Variants in UNC13C observed in about 807,000 individuals in gnomAD.
UNC13C encodes protein unc-13 homolog C.
In UNC13C, 174 loss-of-function variants were observed where a neutral mutation model predicts 245.4. That is an observed-to-expected ratio of 0.71 (90% confidence interval 0.63 to 0.80). UNC13C has a LOEUF of 0.80. Ranked by LOEUF, UNC13C falls within the 30% of genes least tolerant of loss-of-function variation. The pLI is 0.00. For synonymous variants in UNC13C, 992 were observed against 895.1 expected, an observed-to-expected ratio of 1.11 and a Z score of -1.93; for missense variants, 2,829 against 2,602.9, an observed-to-expected ratio of 1.09 and a Z score of -1.89.
chr15:54,039,591 TC>T, intron 2 of UNC13C, among the ~76,000 whole-genome samples: 1 of 152,118 alleles, frequency 6.6e-6, no homozygotes, highest in Non-Finnish European at 1.5e-5. Flanking sequence ...GTTCTTGGAC[TC>T]TTTTTTTTCC....
At chr15:53,967,037 A>G in the UNC13C span, among the ~76,000 whole-genome samples, 3 of 151,966 alleles carry the variant, frequency 2.0e-5, no homozygotes, top group African/African-American at 2.4e-5. Context: ...TCTATTTCTA[A>G]TTCTTTCCTG....
the UNC13C span, among the ~76,000 whole-genome samples, chr15:53,875,858 C>T: frequency 2.6e-5 from 4 of 152,182 alleles, no homozygotes; most frequent in Non-Finnish European, 4.4e-5. Flanking sequence ...ACAGTGCTGA[C>T]ACATGGCAGA....
At chr15:54,294,109 C>T in intron 11 of UNC13C, 45 bp downstream of exon 11, 1 of 1,441,582 alleles carries the variant, frequency 6.9e-7, no homozygotes, top group East Asian at 2.6e-5. Flanking sequence ...AAATAAAACC[C>T]CTGAATACCT....
At chr15:54,445,783 G>T (rs1349511714) in intron 19 of UNC13C, among the ~76,000 whole-genome samples, 1 of 152,166 alleles carries the variant, frequency 6.6e-6, no homozygotes, top group African/African-American at 2.4e-5. Flanking sequence ...CTATGCAGAA[G>T]CTCTTTAGTT....
intron 18 of UNC13C, among the ~76,000 whole-genome samples, chr15:54,408,886 C>A (rs2040361966): frequency 1.3e-5 from 2 of 152,142 alleles, no homozygotes; most frequent in African/African-American, 2.4e-5. Flanking sequence ...CTATTCATGT[C>A]AATTGAAAGA....
At chr15:54,183,903 G>C (rs921171308) in intron 4 of UNC13C, among the ~76,000 whole-genome samples, 1 of 151,864 alleles carries the variant, frequency 6.6e-6, no homozygotes, top group Non-Finnish European at 1.5e-5. Flanking sequence ...CAAAAGACCA[G>C]ACACATTAGC....
intron 4 of UNC13C, among the ~76,000 whole-genome samples, chr15:54,172,937 T>C (rs1345787438): frequency 6.6e-6 from 1 of 151,198 alleles, no homozygotes; most frequent in African/African-American, 2.4e-5. Context: ...AAATAAGATT[T>C]ACTTTTGCTT....
chr15:53,872,728 T>C, the UNC13C span, among the ~76,000 whole-genome samples: 2 of 152,156 alleles, frequency 1.3e-5, no homozygotes, highest in Non-Finnish European at 2.9e-5. Flanking sequence ...TCTTGTTACT[T>C]TCAGGATGAA....
Position 54,013,942 on chromosome 15 carries a change from G to A in UNC13C, c.1039G>A (p.Gly347Ser). Residue 347 changes from glycine (G) to serine (S), a missense_variant, in exon 2 of 33, where the codon GGT becomes AGT. By Grantham distance (56) the Gly-to-Ser change is moderately conservative. Transcript: ENST00000260323. The part of the protein sequence containing the change: ...VVYQILIDKM[G>S]FSDAPNAIKI... ...GTACCAAATTCTAATAGATAAAATG[G>A]GTTTTTCAGATGCACCAAATGCTAT... is the stretch of plus-strand genomic sequence containing the variant. 1.9e-6 allele frequency: 3 copies of A among 1,613,304 alleles called. No homozygotes were observed. Among genetic ancestry groups the A allele is most frequent in the Non-Finnish European group, 2.5e-6 (3 of 1,179,718 alleles).
intron 18 of UNC13C, among the ~76,000 whole-genome samples, chr15:54,406,064 T>C (rs1018609685): frequency 1.8e-4 from 27 of 152,128 alleles, no homozygotes; most frequent in Non-Finnish European, 1.5e-5. Flanking sequence ...ACAAGATCCA[T>C]TAACAAGAGA....
intron 26 of UNC13C, among the ~76,000 whole-genome samples, chr15:54,545,218 A>G (rs547965480): frequency 1.3e-5 from 2 of 152,340 alleles, no homozygotes; most frequent in South Asian, 4.1e-4. Context: ...TATTTAACAA[A>G]TGATGTTGGG....
intron 2 of UNC13C, among the ~76,000 whole-genome samples, chr15:54,139,566 A>G (rs931674288): frequency 1.3e-5 from 2 of 152,192 alleles, no homozygotes; most frequent in African/African-American, 2.4e-5. Flanking sequence ...CATGCTCATC[A>G]ACTATGCATG....
intron 2 of UNC13C, among the ~76,000 whole-genome samples, chr15:54,142,612 G>A (rs1336075987): frequency 6.6e-6 from 1 of 152,100 alleles, no homozygotes; most frequent in African/African-American, 2.4e-5. Context: ...ACAATGTTGC[G>A]AGGCAGTTAG....
intron 17 of UNC13C, among the ~76,000 whole-genome samples, chr15:54,380,282 A>T (rs983080575): frequency 2.0e-5 from 3 of 152,070 alleles, no homozygotes; most frequent in Non-Finnish European, 2.9e-5. Context: ...ATGTTCTCCA[A>T]GTTCATCCAT....
At chr15:54,180,656 C>A (rs2033767204) in intron 4 of UNC13C, among the ~76,000 whole-genome samples, 1 of 152,142 alleles carries the variant, frequency 6.6e-6, no homozygotes, top group Middle Eastern at 3.4e-3. Context: ...TCCTCACCAG[C>A]ATCTGTTGTT....
intron 7 of UNC13C, among the ~76,000 whole-genome samples, chr15:54,241,530 G>T (rs1474775374): frequency 6.6e-6 from 1 of 152,150 alleles, no homozygotes; most frequent in East Asian, 1.9e-4. Flanking sequence ...GCCTGAATTA[G>T]AATCTCAACT....
intron 17 of UNC13C, among the ~76,000 whole-genome samples, chr15:54,389,099 T>C (rs79379139): frequency 0.068 from 10,396 of 152,214 alleles, 393 homozygotes; most frequent in East Asian, 0.12. Flanking sequence ...ACACAAAACT[T>C]TTCATGATTT....
intron 30 of UNC13C, among the ~76,000 whole-genome samples, chr15:54,618,545 T>TAACTAGTCAATTGA (rs1400153861): frequency 6.8e-6 from 1 of 147,138 alleles, no homozygotes; most frequent in Non-Finnish European, 1.5e-5. Flanking sequence ...TTTGAGCAAA[T>TAACTAGTCAATTGA]AACTAGTCAA....
intron 2 of UNC13C, among the ~76,000 whole-genome samples, chr15:54,085,478 T>C (rs1899187182): frequency 1.3e-5 from 2 of 152,176 alleles, no homozygotes; most frequent in African/African-American, 4.8e-5. Context: ...ATCTCAGTCA[T>C]TGAATTTGCA....
Sources: allele counts gnomAD v4.1 joint callset (sites outside exome capture counted in the v4.1 genomes callset), GRCh38; gene constraint gnomAD v4.1.1; transcripts MANE v1.5; gene names NCBI Gene and HGNC (gene_info 2026-07-23, HGNC 2026-07-21).